The following AGBL4 variants were observed in gnomAD, a reference collection of about 807,000 sequenced individuals.
AGBL4 encodes the protein cytosolic carboxypeptidase 6.
A neutral mutation model predicts 66.4 loss-of-function variants in AGBL4; 58 were observed. The ratio of observed to expected loss-of-function variants is 0.87; its 90% CI spans 0.71 to 1.09. The LOEUF is 1.09. Among genes scored for constraint, AGBL4 ranks in the 50% least tolerant of loss-of-function variants. AGBL4 has a pLI of 0.00. For missense variants in AGBL4, 579 were observed against 631.0 expected, an observed-to-expected ratio of 0.92 and a Z score of 0.88; for synonymous variants, 234 against 222.9, an observed-to-expected ratio of 1.05 and a Z score of -0.44.
At chr1:49,860,913 A>G (rs1030149097) in intron 1 of AGBL4, among the ~76,000 whole-genome samples, 2 of 152,154 alleles carry the variant, frequency 1.3e-5, no homozygotes, top group African/African-American at 2.4e-5. Flanking sequence ...AGAGATCACA[A>G]AAACAGTCCT....
chr1:48,878,372 G>T (rs1649425074), intron 5 of AGBL4, among the ~76,000 whole-genome samples: 4 of 152,106 alleles, frequency 2.6e-5, no homozygotes. Context: ...CTTGGTGTAG[G>T]AATCAACAAT....
intron 11 of AGBL4, among the ~76,000 whole-genome samples, chr1:48,542,604 T>A (rs1396185320): frequency 6.6e-6 from 1 of 152,208 alleles, no homozygotes; most frequent in Non-Finnish European, 1.5e-5. Flanking sequence ...GATGATGAGC[T>A]TTTTTTCATA....
intron 3 of AGBL4, among the ~76,000 whole-genome samples, chr1:49,664,768 A>G (rs1320389306): frequency 6.6e-6 from 1 of 152,134 alleles, no homozygotes. Flanking sequence ...AATTTTAGCC[A>G]TGGATATATA....
intron 4 of AGBL4, among the ~76,000 whole-genome samples, chr1:49,110,586 G>C (rs59874278): frequency 4.6e-5 from 7 of 152,128 alleles, no homozygotes; most frequent in African/African-American, 1.7e-4. Flanking sequence ...CTTAACAAAG[G>C]CCTTTTGCAT....
At chr1:48,609,669 C>G (rs1645206650) in intron 9 of AGBL4, among the ~76,000 whole-genome samples, 2 of 152,200 alleles carry the variant, frequency 1.3e-5, no homozygotes, top group African/African-American at 4.8e-5. Context: ...GAGATCCTCC[C>G]ACCTCAGCCT....
intron 1 of AGBL4, among the ~76,000 whole-genome samples, chr1:49,962,489 G>T (rs563473770): frequency 6.6e-6 from 1 of 152,190 alleles, no homozygotes; most frequent in South Asian, 2.1e-4. Flanking sequence ...TTCTGAGCAA[G>T]CCCAGGTCAT....
At chr1:49,526,312 A>G (rs1443709239) in intron 3 of AGBL4, among the ~76,000 whole-genome samples, 1 of 152,138 alleles carries the variant, frequency 6.6e-6, no homozygotes, top group East Asian at 1.9e-4. Flanking sequence ...AGTCTGGCCT[A>G]TTTTACTGCT....
chr1:49,595,549 A>G (rs2124116421), intron 3 of AGBL4, among the ~76,000 whole-genome samples: 1 of 152,206 alleles, frequency 6.6e-6, no homozygotes, highest in East Asian at 1.9e-4. Context: ...ATCATTTTGG[A>G]AACATTGCTG....
chr1:49,193,475 T>C (rs1647162222), intron 4 of AGBL4, among the ~76,000 whole-genome samples: 1 of 151,990 alleles, frequency 6.6e-6, no homozygotes, highest in African/African-American at 2.4e-5. Context: ...TTCAGGAGCA[T>C]GTTGTTTAAT....
At chr1:49,891,864 C>T (rs1648687797) in intron 1 of AGBL4, among the ~76,000 whole-genome samples, 1 of 152,156 alleles carries the variant, frequency 6.6e-6, no homozygotes, top group South Asian at 2.1e-4. Context: ...ATTGAGTATT[C>T]ACTTAACACT....
intron 11 of AGBL4, among the ~76,000 whole-genome samples, chr1:48,545,436 G>A (rs536805500): frequency 6.6e-6 from 1 of 152,296 alleles, no homozygotes; most frequent in Admixed American, 6.5e-5. Flanking sequence ...CAGGAGGAGA[G>A]GAGGGATTGA....
chr1:49,706,177 C>T (rs1647213888), intron 2 of AGBL4, among the ~76,000 whole-genome samples: 1 of 152,110 alleles, frequency 6.6e-6, no homozygotes, highest in Admixed American at 6.6e-5. Context: ...CTGTCTAGTC[C>T]TGGACTTTTG....
intron 11 of AGBL4, among the ~76,000 whole-genome samples, chr1:48,575,204 C>T (rs1384246651): frequency 6.6e-6 from 1 of 152,078 alleles, no homozygotes; most frequent in Non-Finnish European, 1.5e-5. Flanking sequence ...AAATACTGTC[C>T]AATACCCAGT....
chr1:49,088,788 C>A (rs1644951883), intron 4 of AGBL4, among the ~76,000 whole-genome samples: 1 of 152,064 alleles, frequency 6.6e-6, no homozygotes, highest in South Asian at 2.1e-4. Context: ...ACCAAAACAA[C>A]AGAATACACA....
intron 3 of AGBL4, among the ~76,000 whole-genome samples, chr1:49,399,373 C>T (rs185272935): frequency 3.4e-3 from 521 of 152,256 alleles, no homozygotes; most frequent in Non-Finnish European, 5.5e-3. Context: ...AATGAGGTTG[C>T]TGGATCGTAT....
At chr1:48,720,807 C>T (rs1647134877) in intron 6 of AGBL4, among the ~76,000 whole-genome samples, 1 of 151,976 alleles carries the variant, frequency 6.6e-6, no homozygotes, top group Admixed American at 6.6e-5. Context: ...ATACAATCCT[C>T]TGAGTGTTAA....
intron 9 of AGBL4, among the ~76,000 whole-genome samples, chr1:48,602,770 C>T (rs958190094): frequency 6.6e-6 from 1 of 152,136 alleles, no homozygotes; most frequent in Non-Finnish European, 1.5e-5. Flanking sequence ...GGCATCTCTC[C>T]CTTCATTCTT....
At chr1:49,967,434 G>A (rs139182993) in intron 1 of AGBL4, among the ~76,000 whole-genome samples, 3,786 of 151,892 alleles carry the variant, frequency 0.025, 118 homozygotes, top group African/African-American at 0.075. Context: ...AACACCACAC[G>A]TTCTCACTCA....
At chr1:48,537,320 T>C (rs1643989318) in intron 12 of AGBL4, among the ~76,000 whole-genome samples, 1 of 152,124 alleles carries the variant, frequency 6.6e-6, no homozygotes, top group South Asian at 2.1e-4. Context: ...TTAGCTCAAG[T>C]CCTCAAAACT....
Sources: allele counts gnomAD v4.1 joint callset (sites outside exome capture counted in the v4.1 genomes callset), GRCh38; gene constraint gnomAD v4.1.1; transcripts MANE v1.5; gene names NCBI Gene and HGNC (gene_info 2026-07-23, HGNC 2026-07-21).